Variants in PEBP4 observed in about 807,000 individuals in gnomAD.
PEBP4 encodes the protein phosphatidylethanolamine-binding protein 4.
A neutral mutation model predicts 23.9 loss-of-function variants in PEBP4; 22 were observed. That is an observed-to-expected ratio of 0.92 (90% CI 0.66 to 1.31). The LOEUF (loss-of-function observed/expected upper bound fraction) is 1.31. Among genes scored for constraint, PEBP4 ranks in the 40% most tolerant of loss-of-function variants. The pLI, the probability that PEBP4 is intolerant of heterozygous loss-of-function variation, is 0.00. For missense variants in PEBP4, 324 were observed against 281.7 expected, an observed-to-expected ratio of 1.15 and a Z score of -1.07; for synonymous variants, 112 against 99.3, an observed-to-expected ratio of 1.13 and a Z score of -0.76.
At chr8:22,795,519 ACCCTT>A in intron 4 of PEBP4, among the ~76,000 whole-genome samples, 1 of 152,048 alleles carries the variant, frequency 6.6e-6, no homozygotes, top group East Asian at 1.9e-4. Context: ...GTTCTATTCT[ACCCTT>A]CCCTTATTAG....
chr8:22,777,386 G>C (rs927495389), intron 4 of PEBP4, among the ~76,000 whole-genome samples: 2 of 152,208 alleles, frequency 1.3e-5, no homozygotes, highest in Non-Finnish European at 2.9e-5. Context: ...GCCCTTCTAA[G>C]CTGTGAGAGT....
rs191436787 is a variant in PEBP4, at chr8:22,768,088, G to C, written c.358-40868C>G. Among the ~76,000 whole-genome samples the C allele has an allele frequency of 9.9e-4, 150 of 152,232 alleles. 1 individual carries two copies. The highest frequency in any genetic ancestry group is 3.4e-3 in the African/African-American group (141 of 41,524). ...GAATTCCAGGCAAACACCTATAAAG[G>C]GTTTTCCTATGGTGCCTGTTGGAAA... is the stretch of plus-strand genomic sequence containing the variant. On this transcript the variant is annotated intron_variant, in intron 4 of 6. Transcript: ENST00000256404.
At chr8:22,847,201 C>A (rs1807456533) in intron 3 of PEBP4, among the ~76,000 whole-genome samples, 1 of 97,190 alleles carries the variant, frequency 1.0e-5, no homozygotes, top group African/African-American at 2.7e-5. Flanking sequence ...GTCAGCAAGT[C>A]ATGTTCAAAG....
chr8:22,760,337 A>C (rs1363289902), intron 4 of PEBP4, among the ~76,000 whole-genome samples: 2 of 152,172 alleles, frequency 1.3e-5, no homozygotes, highest in Non-Finnish European at 2.9e-5. Flanking sequence ...TGCCTCCCTT[A>C]CATGACTTAA....
intron 3 of PEBP4, among the ~76,000 whole-genome samples, chr8:22,829,300 T>C (rs1384063640): frequency 6.6e-6 from 1 of 152,146 alleles, no homozygotes; most frequent in African/African-American, 2.4e-5. Flanking sequence ...GGCTACCAGC[T>C]TCATTACAGG....
At chr8:22,913,515 G>T (rs1808993104) in intron 3 of PEBP4, among the ~76,000 whole-genome samples, 1 of 151,988 alleles carries the variant, frequency 6.6e-6, no homozygotes. Context: ...CCAGCTCCCA[G>T]GGCCAGCATA....
At chr8:22,842,284 C>A (rs746644089) in intron 3 of PEBP4, among the ~76,000 whole-genome samples, 1 of 152,088 alleles carries the variant, frequency 6.6e-6, no homozygotes, top group Non-Finnish European at 1.5e-5. Context: ...TTGGGTAGAT[C>A]GTGACTTTTA....
At chr8:22,834,627 G>C (rs1229399344) in intron 3 of PEBP4, among the ~76,000 whole-genome samples, 2 of 152,338 alleles carry the variant, frequency 1.3e-5, no homozygotes, top group African/African-American at 2.4e-5. Flanking sequence ...ACTGCATTGA[G>C]AGGCAGCCAT....
chr8:22,932,595 C>T (rs1251820727), upstream of PEBP4, among the ~76,000 whole-genome samples: 1 of 152,098 alleles, frequency 6.6e-6, no homozygotes, highest in African/African-American at 2.4e-5. Flanking sequence ...CTCTGGAAAA[C>T]AGCCAAAGGT....
At chr8:22,872,183 A>G (rs930376731) in intron 3 of PEBP4, among the ~76,000 whole-genome samples, 2 of 152,212 alleles carry the variant, frequency 1.3e-5, no homozygotes, top group Non-Finnish European at 2.9e-5. Context: ...TTGGCCTATA[A>G]CATTCTTATG....
At chr8:22,921,315 A>G (rs1051863878) in intron 2 of PEBP4, among the ~76,000 whole-genome samples, 1 of 152,138 alleles carries the variant, frequency 6.6e-6, no homozygotes, top group Non-Finnish European at 1.5e-5. Context: ...CTTTCCTAAC[A>G]CCTTGCAGGG....
intron 1 of PEBP4, among the ~76,000 whole-genome samples, chr8:22,938,703 C>T (rs747681985): frequency 3.5e-4 from 53 of 152,106 alleles, no homozygotes; most frequent in Non-Finnish European, 6.9e-4. Flanking sequence ...TCACACTTCC[C>T]CCCCATTATA....
chr8:22,764,280 G>A (rs1306401367), intron 4 of PEBP4, among the ~76,000 whole-genome samples: 3 of 151,764 alleles, frequency 2.0e-5, no homozygotes, highest in African/African-American at 7.3e-5. Flanking sequence ...CCTCTATCCT[G>A]AAAAAATGGA....
intron 3 of PEBP4, among the ~76,000 whole-genome samples, chr8:22,873,672 G>A (rs138261606): frequency 6.6e-6 from 1 of 152,292 alleles, no homozygotes; most frequent in East Asian, 1.9e-4. Flanking sequence ...CCTGTGAATA[G>A]AGCTGTAGAT....
rs577583890 is a variant in PEBP4, at chr8:22,897,969, C to T, written c.258+22215G>A. Among the ~76,000 whole-genome samples the T allele has an allele frequency of 3.9e-5, 6 of 152,216 alleles. No homozygotes were observed. The South Asian group carries it at 1.0e-3, about 26-fold the overall frequency. On this transcript the variant is annotated intron_variant, in intron 3 of 6. Coordinates refer to ENST00000256404, the MANE Select transcript of PEBP4 (RefSeq NM_144962.3). ...ACCTCACTCTCAACCTCCACCACGT[C>T]GGGACACAGTGAGAAGGTAGCCGTT...
chr8:22,915,352 G>T (rs1311667308), intron 3 of PEBP4, among the ~76,000 whole-genome samples: 1 of 151,982 alleles, frequency 6.6e-6, no homozygotes, highest in African/African-American at 2.4e-5. Flanking sequence ...GAAGTTCTTG[G>T]CTCCTAACCA....
In PEBP4 at chr8:22,775,552, A is replaced by G. The variant is rs540731936; in HGVS notation, c.357+42085T>C. Among the ~76,000 whole-genome samples, 2 of 152,198 alleles carry G rather than the reference A, an allele frequency of 1.3e-5. No homozygotes were observed. The highest frequency in any genetic ancestry group is 1.9e-4 in the East Asian group (1 of 5,172). ...CCAGCTGGCTGTGGGCTCTATTTCT[A>G]CTGACAAGGCTTTACCCTGTAGGTG... On this transcript the variant is annotated intron_variant, in intron 4 of 6. Coordinates refer to ENST00000256404, the MANE Select transcript of PEBP4 (RefSeq NM_144962.3). The surrounding 1 kb of genome is among the most constrained non-coding windows in gnomAD (Gnocchi z 4.8).
intron 3 of PEBP4, among the ~76,000 whole-genome samples, chr8:22,842,800 C>T (rs772965972): frequency 7.2e-5 from 11 of 152,144 alleles, no homozygotes; most frequent in Non-Finnish European, 1.6e-4. Context: ...TGGAAATTCT[C>T]GATACTTTTT....
Position 22,833,808 on chromosome 8 carries a change from C to A in PEBP4, c.259-16073G>T, listed in dbSNP as rs1779875577. 2.6e-5 allele frequency among the ~76,000 whole-genome samples: 4 copies of A among 152,188 alleles called. No homozygotes were observed. In the South Asian group the frequency reaches 8.3e-4, roughly 32 times the overall value. On this transcript the variant is annotated intron_variant, in intron 3 of 6. Coordinates refer to ENST00000256404, the MANE Select transcript of PEBP4 (RefSeq NM_144962.3). ...TTCAAGCTACCAAGGCTGGGCCCCA[C>A]TGGGTGGAGGTTTTGATTGAAGGAG... is the stretch of plus-strand genomic sequence containing the variant.
Sources: gnomAD v4.1 joint callset for allele counts (sites outside exome capture counted in the v4.1 genomes callset) on GRCh38, gnomAD v4.1.1 for gene constraint, Gnocchi (gnomAD v3.1) non-coding constraint, MANE v1.5 for transcripts, NCBI Gene and HGNC (gene_info 2026-07-23, HGNC 2026-07-21) for gene names.